RANBP2: variants seen among roughly 807,000 people sequenced by gnomAD.
RANBP2 encodes RAN binding protein 2, also known as E3 SUMO-protein ligase RanBP2.
Under a neutral mutation model 303.6 loss-of-function variants are expected in RANBP2, and 57 were observed. That is an observed-to-expected ratio of 0.19 (90% CI 0.15 to 0.23). The LOEUF (loss-of-function observed/expected upper bound fraction) is 0.23, where lower values mean the gene tolerates loss of function less well. Among genes scored for constraint, RANBP2 ranks in the 10% least tolerant of loss-of-function variants. The pLI, the probability that RANBP2 is intolerant of heterozygous loss-of-function variation, is 1.00. For missense variants in RANBP2, 3,138 were observed against 3,780.8 expected, an observed-to-expected ratio of 0.83 and a Z score of 4.46; for synonymous variants, 1,167 against 1,301.5, an observed-to-expected ratio of 0.90 and a Z score of 2.23.
the RANBP2 span, chr2:109,614,500 C>T: frequency 4.8e-6 from 6 of 1,248,408 alleles, no homozygotes; most frequent in Non-Finnish European, 6.0e-6. Context: ...ATGGAGGGGC[C>T]GGCAGAGTGG....
chr2:109,469,186 CA>C, the RANBP2 span, among the ~76,000 whole-genome samples: 1 of 152,202 alleles, frequency 6.6e-6, no homozygotes, highest in Non-Finnish European at 1.5e-5. Context: ...CGTGCTTACA[CA>C]GCGTATTTCT....
At chr2:109,075,384 C>T in the RANBP2 span, among the ~76,000 whole-genome samples, 1 of 149,960 alleles carries the variant, frequency 6.7e-6, no homozygotes, top group Non-Finnish European at 1.5e-5. Flanking sequence ...GCCACCACGC[C>T]CAGCTAATTT....
the RANBP2 span, chr2:109,667,196 C>T: frequency 1.6e-6 from 2 of 1,273,328 alleles, no homozygotes; most frequent in Non-Finnish European, 2.3e-6. Flanking sequence ...TGCAGAAAGC[C>T]TTGCCATTTA....
the RANBP2 span, among the ~76,000 whole-genome samples, chr2:108,835,789 G>T: frequency 6.6e-6 from 1 of 152,174 alleles, no homozygotes; most frequent in Non-Finnish European, 1.5e-5. Context: ...TCTGTTTTGT[G>T]CTGTTACAAC....
the RANBP2 span, among the ~76,000 whole-genome samples, chr2:108,964,443 A>T: frequency 6.6e-6 from 1 of 152,256 alleles, no homozygotes; most frequent in East Asian, 1.9e-4. Flanking sequence ...CTTTCCCTAA[A>T]CTGAAGAGGA....
chr2:108,967,579 G>C, the RANBP2 span, among the ~76,000 whole-genome samples: 7 of 152,126 alleles, frequency 4.6e-5, no homozygotes, highest in Admixed American at 4.6e-4. Flanking sequence ...CCAAGACGGG[G>C]TGGCTATAAA....
chr2:109,567,719 A>C, the RANBP2 span: 1 of 1,193,058 alleles, frequency 8.4e-7, no homozygotes, highest in Non-Finnish European at 1.1e-6. Context: ...TCTTTTTGGA[A>C]GACACAAGTG....
chr2:109,258,438 GGTATTGGA>G, the RANBP2 span, among the ~76,000 whole-genome samples: 2 of 152,126 alleles, frequency 1.3e-5, no homozygotes. Flanking sequence ...TCACCTCCTG[GGTATTGGA>G]GGCTTCCTCG....
At chr2:108,873,347 AAATG>A in the RANBP2 span, 6 of 1,062,766 alleles carry the variant, frequency 5.6e-6, no homozygotes, top group Non-Finnish European at 7.5e-6. Context: ...ATGAAAATCT[AAATG>A]AATATTTATA....
At chr2:109,662,788 C>G in the RANBP2 span, among the ~76,000 whole-genome samples, 1 of 152,162 alleles carries the variant, frequency 6.6e-6, no homozygotes, top group African/African-American at 2.4e-5. Flanking sequence ...GTATCTGCTT[C>G]TCAGAGGATG....
chr2:109,715,451 G>A, the RANBP2 span, among the ~76,000 whole-genome samples: 1 of 152,078 alleles, frequency 6.6e-6, no homozygotes, highest in African/African-American at 2.4e-5. Flanking sequence ...AGACACTTAG[G>A]CTCACTTAGG....
chr2:109,127,900 T>C, the RANBP2 span: 2 of 152,262 alleles, frequency 1.3e-5, no homozygotes, highest in Admixed American at 6.5e-5. Flanking sequence ...CAGAGCTGTT[T>C]AGAGGATTAA....
At chr2:109,723,747 A>C in the RANBP2 span, among the ~76,000 whole-genome samples, 1 of 151,966 alleles carries the variant, frequency 6.6e-6, no homozygotes, top group Non-Finnish European at 1.5e-5. Flanking sequence ...AGTTTCTTTT[A>C]CTGTGTAGAA....
the RANBP2 span, among the ~76,000 whole-genome samples, chr2:109,668,271 A>C: frequency 6.6e-6 from 1 of 152,244 alleles, no homozygotes; most frequent in Non-Finnish European, 1.5e-5. Context: ...GCCTCAGTTT[A>C]ATTATTTTGT....
At chr2:109,660,304 G>T in the RANBP2 span, among the ~76,000 whole-genome samples, 1 of 152,156 alleles carries the variant, frequency 6.6e-6, no homozygotes, top group Non-Finnish European at 1.5e-5. Context: ...CATTTACATA[G>T]GGTGTAACCA....
At chr2:109,117,898 C>T in the RANBP2 span, among the ~76,000 whole-genome samples, 70 of 152,336 alleles carry the variant, frequency 4.6e-4, no homozygotes, top group South Asian at 8.3e-4. Context: ...GATCCTTTCT[C>T]TGGGTGTGCT....
At chr2:109,552,879 C>T in the RANBP2 span, 1 of 542,506 alleles carries the variant, frequency 1.8e-6, no homozygotes. Flanking sequence ...CATAAATGTA[C>T]TGCTTTAAAA....
the RANBP2 span, among the ~76,000 whole-genome samples, chr2:109,534,928 C>A: frequency 6.6e-6 from 1 of 152,162 alleles, no homozygotes; most frequent in Non-Finnish European, 1.5e-5. Context: ...GGCCCCCTCC[C>A]CTCCAGCACT....
the RANBP2 span, among the ~76,000 whole-genome samples, chr2:109,261,985 A>G: frequency 1.3e-5 from 2 of 152,188 alleles, no homozygotes; most frequent in East Asian, 1.9e-4. Context: ...AAGGGCCACA[A>G]AGCTCTATAA....
Sources: gnomAD v4.1 joint callset for allele counts (sites outside exome capture counted in the v4.1 genomes callset) on GRCh38, gnomAD v4.1.1 for gene constraint, MANE v1.5 for transcripts, NCBI Gene and HGNC (gene_info 2026-07-23, HGNC 2026-07-21) for gene names.